HRG: variants seen among roughly 807,000 people sequenced by gnomAD.
HRG encodes the protein histidine-rich glycoprotein.
HRG carries 26 observed loss-of-function variants against 29.5 expected under a neutral mutation model. The observed-to-expected ratio is 0.88, with a 90% CI of 0.65 to 1.22. HRG has a LOEUF of 1.22. Among genes scored for constraint, HRG ranks in the 50% most tolerant of loss-of-function variants. HRG has a pLI of 0.00. For synonymous variants in HRG, 243 were observed against 240.4 expected, an observed-to-expected ratio of 1.01 and a Z score of -0.10; for missense variants, 671 against 654.5, an observed-to-expected ratio of 1.03 and a Z score of -0.28.
At chr3:186,676,951 C>T in intron 6 of HRG, 96 bp from the exon 7 acceptor site, 2 of 1,367,986 alleles carry the variant, frequency 1.5e-6, no homozygotes, top group Non-Finnish European at 2.1e-6. Context: ...TTTGTGGAAT[C>T]TATGATCTGG....
intron 4 of HRG, among the ~76,000 whole-genome samples, chr3:186,672,003 G>T (rs1718815394): frequency 2.6e-5 from 4 of 151,960 alleles, no homozygotes. Flanking sequence ...AGGATGGGTA[G>T]GGGAGTAGAC....
rs771755715 is a variant in HRG at position 186,677,738 on chromosome 3, C to G, written c.1433C>G (p.Pro478Arg). 2 of 1,611,168 alleles carry G rather than the reference C, an allele frequency of 1.2e-6. No individual in the cohort carries two copies. The highest frequency in any genetic ancestry group is 3.3e-5 in the Admixed American group (2 of 59,978). Residue 478 changes from proline to arginine, a missense_variant, in exon 7 of 7, where the codon CCC (proline) becomes CGC (arginine). Transcript: ENST00000232003. ...EVLPLPEANF[P>R]SFPLPHHKHP... The stretch of plus-strand genomic sequence containing the variant: ...CTGCCACTTCCTGAGGCCAATTTTC[C>G]CAGCTTCCCATTGCCGCACCACAAA...
intron 6 of HRG, 110 bp downstream of exon 6, chr3:186,675,300 T>TGAGAGAGAGAGAGA (rs1367965463): frequency 8.6e-5 from 52 of 602,596 alleles, no homozygotes; most frequent in African/African-American, 2.3e-4. Flanking sequence ...TGTGTGTGTG[T>TGAGAGAGAGAGAGA]GTGTGTGTGA....
chr3:186,677,966 A>G lies in HRG; in HGVS notation c.*83A>G, dbSNP rs941314976. 1 of 1,356,176 alleles carries G rather than the reference A, an allele frequency of 7.4e-7. No homozygotes were observed. Among genetic ancestry groups the G allele is most frequent in the Non-Finnish European group, 1.0e-6 (1 of 963,492 alleles). The allele number at this position is 1,356,176 out of a possible 1,614,324, so 84.0% of individuals were successfully genotyped here. A position where few individuals can be genotyped will look rare whatever the true frequency, so the allele number is the denominator to read the frequency against. On this transcript the variant is annotated 3_prime_UTR_variant, in exon 7 of 7. Transcript: ENST00000232003. ...AATGACCAGTAATTGTGAAAATTACAGTTCTTTTCAACCTACTTTCATACT... is the reference window on the plus strand; with the variant it reads ...AATGACCAGTAATTGTGAAAATTACGGTTCTTTTCAACCTACTTTCATACT...
intron 6 of HRG, among the ~76,000 whole-genome samples, chr3:186,676,473 T>A (rs972865181): frequency 1.6e-4 from 24 of 152,052 alleles, no homozygotes; most frequent in African/African-American, 4.6e-4. Context: ...CTTTTTTTTT[T>A]AAATCAAAAT....
chr3:186,677,279 CA>C lies in HRG; in HGVS notation c.976del (p.Ser326ValfsTer113). The C allele has an allele frequency of 1.2e-6, 2 of 1,614,118 alleles. No individual in the cohort carries two copies. The highest frequency in any genetic ancestry group is 1.7e-6 in the Non-Finnish European group (2 of 1,180,020). ...GPPPLLPMSC[S>X]SCQHATFGTN... ...CCTCCACTATTGCCCATGTCCTGCT[CA>C]AGTTGTCAACATGCCACTTTTGGCA... On this transcript the variant is annotated frameshift_variant, in exon 7 of 7. Coordinates refer to ENST00000232003, the MANE Select transcript of HRG (RefSeq NM_000412.5). LOFTEE classifies it low-confidence loss of function (END_TRUNC).
intron 6 of HRG, among the ~76,000 whole-genome samples, chr3:186,675,808 G>GT (rs1394608767): frequency 7.1e-6 from 1 of 141,752 alleles, no homozygotes; most frequent in Non-Finnish European, 1.5e-5. Context: ...CCAATCCCAA[G>GT]TTAAAAAAAA....
rs1719063023 is a variant in HRG, at chr3:186,677,964, A to G, written c.*81A>G. The G allele has an allele frequency of 7.1e-7, 1 of 1,400,050 alleles. No individual in the cohort carries two copies. The highest frequency in any genetic ancestry group is 1.8e-5 in the Admixed American group (1 of 54,426). The allele number at this position is 1,400,050 out of a possible 1,614,324, so 86.7% of individuals were successfully genotyped here. On this transcript the variant is annotated 3_prime_UTR_variant, in exon 7 of 7. Transcript: ENST00000232003. ...AAAATGACCAGTAATTGTGAAAATT[A>G]CAGTTCTTTTCAACCTACTTTCATA...
At position 186,675,064 on chromosome 3, in the gene HRG, C is replaced by G. The variant is rs1184813096; in HGVS notation, c.640-25C>G. 4 of 1,508,184 alleles carry G rather than the reference C, an allele frequency of 2.7e-6. No homozygotes were observed. In the Admixed American group the frequency reaches 6.7e-5, roughly 25 times the overall value. The allele number at this position is 1,508,184 out of a possible 1,614,324, so 93.4% of individuals were successfully genotyped here. A position where few individuals can be genotyped will look rare whatever the true frequency, so the allele number is the denominator to read the frequency against. On this transcript the variant is annotated intron_variant, in intron 5 of 6. Coordinates refer to ENST00000232003, the MANE Select transcript of HRG (RefSeq NM_000412.5). ...TCTTCACACCACCTGGACACACACA[C>G]TAACAGCTCCTCATTCCTTTGTAGG...
chr3:186,675,865 C>CTTTTTTTT (rs56248425), intron 6 of HRG, among the ~76,000 whole-genome samples: 4 of 97,100 alleles, frequency 4.1e-5, no homozygotes, highest in Non-Finnish European at 5.8e-5. Flanking sequence ...ATGGCTCTGT[C>CTTTTTTTT]TTTTTTTTTT....
chr3:186,671,242 T>G (rs373713722), intron 3 of HRG, among the ~76,000 whole-genome samples: 4 of 152 alleles, frequency 0.026, no homozygotes, highest in Non-Finnish European at 0.05. Context: ...AAATATATGA[T>G]TATATAATAT....
chr3:186,668,745 G>T, intron 1 of HRG, 190 bp from the exon 2 acceptor site: 1 of 574,762 alleles, frequency 1.7e-6, no homozygotes, highest in South Asian at 2.1e-5. Context: ...CACTTAAAAA[G>T]ATTTGGAAAT....
Position 186,677,705 on chromosome 3 carries a change from G to T in HRG, c.1400G>T (p.Gly467Val), listed in dbSNP as rs1195312103. Residue 467 changes from glycine (G) to valine (V), a missense_variant, in exon 7 of 7, where the codon GGT becomes GTT. By Grantham distance (109) the Gly-to-Val change is moderately radical. Transcript: ENST00000232003. Reference sequence around the variant, plus strand: ...TACCGACTCCCTCCTCTAAGAAAAGGTGAGGTGCTGCCACTTCCTGAGGCC... The same window carrying T: ...TACCGACTCCCTCCTCTAAGAAAAGTTGAGGTGCTGCCACTTCCTGAGGCC... ...SVYRLPPLRKGEVLPLPEANF... is the reference protein window; with the variant it reads ...SVYRLPPLRKVEVLPLPEANF... 1 of 1,611,838 alleles carries T rather than the reference G, an allele frequency of 6.2e-7. No individual in the cohort carries two copies. The highest frequency in any genetic ancestry group is 8.5e-7 in the Non-Finnish European group (1 of 1,178,056).
chr3:186,673,562 A>G (rs1718876783), intron 5 of HRG: 1 of 154,146 alleles, frequency 6.5e-6, no homozygotes, highest in Non-Finnish European at 1.4e-5. Context: ...TAAACTTAAA[A>G]CTAAGTTTCT....
chr3:186,666,586 A>G (rs916391248), intron 1 of HRG, among the ~76,000 whole-genome samples: 1 of 152,074 alleles, frequency 6.6e-6, no homozygotes, highest in Non-Finnish European at 1.5e-5. Context: ...AGTTTTCTCA[A>G]CCCTCCTAAG....
intron 1 of HRG, among the ~76,000 whole-genome samples, chr3:186,666,643 G>A (rs1374422175): frequency 1.3e-5 from 2 of 152,166 alleles, no homozygotes; most frequent in East Asian, 1.9e-4. Context: ...GGCCAGGCGC[G>A]GTGGCTCACG....
chr3:186,670,653 T>C (rs531070851), intron 3 of HRG, among the ~76,000 whole-genome samples: 1 of 152,266 alleles, frequency 6.6e-6, no homozygotes, highest in Admixed American at 6.5e-5. Flanking sequence ...GTTCAAGCAA[T>C]TCTCCTGTCT....
intron 1 of HRG, 98 bp from the exon 2 acceptor site, chr3:186,668,837 G>A (rs1229303396): frequency 1.4e-5 from 10 of 727,672 alleles, no homozygotes; most frequent in East Asian, 2.6e-5. Context: ...AGAGGAACAG[G>A]AATTCTGTTT....
At chr3:186,673,464 A>T (rs1218433247) in intron 5 of HRG, 2 of 164,264 alleles carry the variant, frequency 1.2e-5, no homozygotes, top group African/African-American at 4.8e-5. Context: ...ACCATTTTTA[A>T]TCCCAAATTA....
Sources: gnomAD v4.1 joint callset for allele counts (sites outside exome capture counted in the v4.1 genomes callset) on GRCh38, gnomAD v4.1.1 for gene constraint, MANE v1.5 for transcripts, NCBI Gene and HGNC (gene_info 2026-07-23, HGNC 2026-07-21) for gene names.